Variants in FSTL4 observed in about 807,000 individuals in gnomAD.
FSTL4 encodes the protein follistatin like 4.
A neutral mutation model predicts 78.2 loss-of-function variants in FSTL4; 28 were observed. The ratio of observed to expected loss-of-function variants is 0.36; its 90% confidence interval spans 0.27 to 0.49. The LOEUF is 0.49. FSTL4 is among the 20% of genes least tolerant of loss of function. The pLI, the probability that FSTL4 is intolerant of heterozygous loss-of-function variation, is 0.98. For synonymous variants in FSTL4, 422 were observed against 440.5 expected (o/e 0.96, Z 0.53); for missense variants, 922 against 1,084.9 (o/e 0.85, Z 2.11).
At chr5:133,526,953 CA>C (rs1172161509) in intron 3 of FSTL4, among the ~76,000 whole-genome samples, 1 of 152,092 alleles carries the variant, frequency 6.6e-6, no homozygotes, top group Non-Finnish European at 1.5e-5. Context: ...TCCTACCCAA[CA>C]GAGCGGCAAC....
chr5:133,550,011 C>T (rs929754877), intron 3 of FSTL4, among the ~76,000 whole-genome samples: 2 of 152,178 alleles, frequency 1.3e-5, no homozygotes, highest in Admixed American at 1.3e-4. Context: ...CTAGGCTTGA[C>T]TCCTGTCCCC....
intron 1 of FSTL4, among the ~76,000 whole-genome samples, chr5:133,606,109 T>C (rs1760971367): frequency 6.6e-6 from 1 of 152,162 alleles, no homozygotes; most frequent in Non-Finnish European, 1.5e-5. Flanking sequence ...TGTCTTCCCC[T>C]AACTGCAACC....
the FSTL4 span, among the ~76,000 whole-genome samples, chr5:133,821,504 A>G: frequency 6.6e-6 from 1 of 152,242 alleles, no homozygotes; most frequent in African/African-American, 2.4e-5. Context: ...CCTTACCAGA[A>G]TAATCCTGAT....
chr5:133,675,296 G>C, the FSTL4 span, among the ~76,000 whole-genome samples: 1 of 152,214 alleles, frequency 6.6e-6, no homozygotes, highest in Non-Finnish European at 1.5e-5. Context: ...AAAGTGGGAA[G>C]TGTGTTTTTA....
intron 4 of FSTL4, among the ~76,000 whole-genome samples, chr5:133,345,329 G>C (rs1361869026): frequency 1.3e-5 from 2 of 152,108 alleles, no homozygotes; most frequent in Non-Finnish European, 2.9e-5. Context: ...TTAGCCCTTT[G>C]TCAGATGGGT....
At chr5:133,690,697 T>C in the FSTL4 span, among the ~76,000 whole-genome samples, 1 of 152,232 alleles carries the variant, frequency 6.6e-6, no homozygotes, top group Non-Finnish European at 1.5e-5. Context: ...TGACTTTTGA[T>C]GTGAACGTTT....
At chr5:133,470,698 T>C (rs910360725) in intron 3 of FSTL4, among the ~76,000 whole-genome samples, 9 of 150,762 alleles carry the variant, frequency 6.0e-5, no homozygotes, top group African/African-American at 9.8e-5. Context: ...TGAGCCAAGA[T>C]TGCACCACTG....
intron 8 of FSTL4, among the ~76,000 whole-genome samples, chr5:133,231,844 T>C (rs1751503425): frequency 6.6e-6 from 1 of 152,236 alleles, no homozygotes. Flanking sequence ...CGGCCTCATT[T>C]TCTCTTAAAT....
intron 4 of FSTL4, among the ~76,000 whole-genome samples, chr5:133,397,037 G>A (rs138734025): frequency 9.7e-4 from 147 of 152,306 alleles, no homozygotes; most frequent in African/African-American, 3.2e-3. Context: ...TTGGAAAACT[G>A]CCCAACTATG....
chr5:133,204,997 CTT>C (rs200410608), intron 14 of FSTL4, among the ~76,000 whole-genome samples: 1 of 150,008 alleles, frequency 6.7e-6, no homozygotes, highest in Non-Finnish European at 1.5e-5. Flanking sequence ...TGATTTCATA[CTT>C]TTTTTTTGTG....
intron 6 of FSTL4, among the ~76,000 whole-genome samples, chr5:133,268,303 T>C (rs1037275646): frequency 6.6e-6 from 1 of 152,172 alleles, no homozygotes; most frequent in Non-Finnish European, 1.5e-5. Flanking sequence ...ACACTTTGGG[T>C]CCGGTCAACT....
chr5:133,540,446 C>T (rs1468863676), intron 3 of FSTL4, among the ~76,000 whole-genome samples: 1 of 152,124 alleles, frequency 6.6e-6, no homozygotes, highest in Non-Finnish European at 1.5e-5. Context: ...CAGCAAGGCA[C>T]ACCTTAAGAT....
At chr5:133,238,740 T>C (rs1751737018) in intron 7 of FSTL4, among the ~76,000 whole-genome samples, 1 of 152,238 alleles carries the variant, frequency 6.6e-6, no homozygotes, top group African/African-American at 2.4e-5. Context: ...ACATACTGGC[T>C]CCCTAGTGCT....
chr5:133,357,427 T>C (rs950484879), intron 4 of FSTL4, among the ~76,000 whole-genome samples: 3 of 152,124 alleles, frequency 2.0e-5, no homozygotes, highest in East Asian at 1.9e-4. Context: ...CTGATAGATA[T>C]TCATACAAAC....
chr5:133,340,504 G>T (rs1754556663), intron 4 of FSTL4, among the ~76,000 whole-genome samples: 1 of 152,118 alleles, frequency 6.6e-6, no homozygotes, highest in South Asian at 2.1e-4. Context: ...CTTCAAGGCA[G>T]CCACTTCAAA....
At chr5:133,346,348 A>T (rs150285236) in intron 4 of FSTL4, among the ~76,000 whole-genome samples, 1 of 152,212 alleles carries the variant, frequency 6.6e-6, no homozygotes, top group Non-Finnish European at 1.5e-5. Flanking sequence ...ACCATGGCAC[A>T]TGTACACGTA....
chr5:133,448,252 C>T (rs916139181), intron 3 of FSTL4, among the ~76,000 whole-genome samples: 5 of 152,252 alleles, frequency 3.3e-5, no homozygotes, highest in African/African-American at 1.2e-4. Flanking sequence ...TAGTCACAGT[C>T]ATGGCTTCTA....
the FSTL4 span, among the ~76,000 whole-genome samples, chr5:133,705,092 G>A: frequency 1.3e-5 from 2 of 152,092 alleles, no homozygotes; most frequent in African/African-American, 2.4e-5. Flanking sequence ...ATGGAGTCTC[G>A]CTCTGTTGCC....
chr5:133,808,030 G>C, the FSTL4 span, among the ~76,000 whole-genome samples: 1 of 152,148 alleles, frequency 6.6e-6, no homozygotes, highest in Non-Finnish European at 1.5e-5. Context: ...TTAAAAAAAG[G>C]GGAGTTCATC....
Sources: gnomAD v4.1 joint callset for allele counts (sites outside exome capture counted in the v4.1 genomes callset) on GRCh38, gnomAD v4.1.1 for gene constraint, MANE v1.5 for transcripts, NCBI Gene and HGNC (gene_info 2026-07-23, HGNC 2026-07-21) for gene names.